The following SHROOM3 variants were observed in gnomAD, a reference collection of about 807,000 sequenced individuals.
SHROOM3 encodes shroom family member 3.
In SHROOM3, 47 loss-of-function variants were observed where a neutral mutation model predicts 138.6. That is an observed-to-expected ratio of 0.34 (90% confidence interval 0.27 to 0.43). SHROOM3 has a LOEUF of 0.43. Ranked by LOEUF, SHROOM3 falls within the 20% of genes least tolerant of loss-of-function variation. SHROOM3 has a pLI of 1.00. For synonymous variants in SHROOM3, 1,062 were observed against 1,063.3 expected (o/e 1.00, Z 0.02); for missense variants, 2,491 against 2,596.5 (o/e 0.96, Z 0.88).
intron 2 of SHROOM3, among the ~76,000 whole-genome samples, chr4:76,652,024 C>T (rs770828306): frequency 2.6e-5 from 4 of 152,110 alleles, no homozygotes; most frequent in Non-Finnish European, 5.9e-5. Flanking sequence ...ACCTAAGGGG[C>T]CCAGGATGCC....
chr4:76,733,353 G>C (rs1030740430), intron 4 of SHROOM3, among the ~76,000 whole-genome samples: 1 of 152,170 alleles, frequency 6.6e-6, no homozygotes, highest in Admixed American at 6.5e-5. Context: ...CCCTTGTGCT[G>C]TATCTACCAC....
intron 1 of SHROOM3, among the ~76,000 whole-genome samples, chr4:76,514,241 G>A (rs1732399401): frequency 6.6e-6 from 1 of 152,128 alleles, no homozygotes; most frequent in Admixed American, 6.5e-5. Context: ...GCCAAAAAGT[G>A]GAGAAACCCA....
At chr4:76,475,151 A>T (rs1731460193) in intron 1 of SHROOM3, among the ~76,000 whole-genome samples, 1 of 152,144 alleles carries the variant, frequency 6.6e-6, no homozygotes, top group Non-Finnish European at 1.5e-5. Context: ...AAATTGAATT[A>T]TATGTCGTTT....
chr4:76,508,151 A>T (rs1732253029), intron 1 of SHROOM3, among the ~76,000 whole-genome samples: 1 of 152,064 alleles, frequency 6.6e-6, no homozygotes, highest in African/African-American at 2.4e-5. Flanking sequence ...GGTCATGAAG[A>T]TTTATGCCAG....
At chr4:76,705,299 G>A (rs572101115) in intron 2 of SHROOM3, among the ~76,000 whole-genome samples, 15 of 145,202 alleles carry the variant, frequency 1.0e-4, no homozygotes, top group African/African-American at 3.2e-4. Context: ...GTGAGACTCC[G>A]TCTCTACAAA....
intron 2 of SHROOM3, among the ~76,000 whole-genome samples, chr4:76,558,285 T>G (rs1367333370): frequency 6.6e-6 from 1 of 152,206 alleles, no homozygotes; most frequent in Non-Finnish European, 1.5e-5. Context: ...TATTTGCAAA[T>G]TGTGTGACTT....
intron 2 of SHROOM3, among the ~76,000 whole-genome samples, chr4:76,703,367 A>C (rs1218870793): frequency 6.6e-6 from 1 of 152,212 alleles, no homozygotes; most frequent in Non-Finnish European, 1.5e-5. Flanking sequence ...TTAAGACTTA[A>C]ATGTGTAAGT....
chr4:76,487,840 A>G (rs1731763819), intron 1 of SHROOM3, among the ~76,000 whole-genome samples: 1 of 152,218 alleles, frequency 6.6e-6, no homozygotes. Flanking sequence ...ATTTCAGACT[A>G]TTCTAGGGCT....
At chr4:76,547,445 G>A (rs1404636806) in intron 1 of SHROOM3, among the ~76,000 whole-genome samples, 1 of 152,150 alleles carries the variant, frequency 6.6e-6, no homozygotes, top group African/African-American at 2.4e-5. Context: ...AACACACGAA[G>A]CCCTCAACAT....
chr4:76,541,608 G>T (rs1733099418), intron 1 of SHROOM3, among the ~76,000 whole-genome samples: 1 of 143,392 alleles, frequency 7.0e-6, no homozygotes, highest in Admixed American at 7.0e-5. Flanking sequence ...AGAAGGCCGG[G>T]ATTCACATAT....
intron 2 of SHROOM3, among the ~76,000 whole-genome samples, chr4:76,607,749 A>G (rs924308505): frequency 6.6e-6 from 1 of 152,110 alleles, no homozygotes; most frequent in Non-Finnish European, 1.5e-5. Context: ...CTTTACATCA[A>G]AATAAGTCAC....
At chr4:76,773,962 C>A (rs1722458083) in intron 10 of SHROOM3, among the ~76,000 whole-genome samples, 1 of 152,160 alleles carries the variant, frequency 6.6e-6, no homozygotes, top group African/African-American at 2.4e-5. Context: ...GTGACTTACT[C>A]AGCCTGGGGA....
intron 2 of SHROOM3, among the ~76,000 whole-genome samples, chr4:76,679,763 C>A (rs1441415190): frequency 6.6e-6 from 1 of 152,166 alleles, no homozygotes; most frequent in Non-Finnish European, 1.5e-5. Context: ...CACATAACCA[C>A]CTCCCCACAC....
intron 2 of SHROOM3, among the ~76,000 whole-genome samples, chr4:76,681,594 G>GGGGGGTGTGTGTGTGTGTGTGTGT (rs1553936165): frequency 1.2e-5 from 1 of 81,022 alleles, no homozygotes; most frequent in African/African-American, 5.7e-5. Flanking sequence ...CAGAGTCTAG[G>GGGGGGTGTGTGTGTGTGTGTGTGT]GTGTGTGTGT....
Position 76,756,526 on chromosome 4 carries a change from C to T in SHROOM3, c.4787C>T (p.Thr1596Ile). The stretch of plus-strand genomic sequence containing the variant: ...GCAGCCCATGTGGTAGGTAGTCAGA[C>T]ACTGGCTTCCAGACTCCAAACTTCT... ...PGAAHVVGSQ[T>I]LASRLQTSIK... is the part of the protein sequence containing the mutation. Residue 1596 changes from threonine to isoleucine, a missense_variant, in exon 8 of 11, where the codon ACA becomes ATA. By Grantham distance (89) the Thr-to-Ile change is moderately conservative. Coordinates refer to ENST00000296043, the MANE Select transcript of SHROOM3 (RefSeq NM_020859.4). The T allele has an allele frequency of 6.2e-7, 1 of 1,613,632 alleles. No homozygotes were observed.
At chr4:76,677,636 G>A (rs1349861195) in intron 2 of SHROOM3, among the ~76,000 whole-genome samples, 1 of 152,174 alleles carries the variant, frequency 6.6e-6, no homozygotes, top group Non-Finnish European at 1.5e-5. Context: ...ATCAAGAAAT[G>A]GCAGCCAAGA....
intron 1 of SHROOM3, among the ~76,000 whole-genome samples, chr4:76,520,261 A>G (rs1204164023): frequency 6.6e-6 from 1 of 152,212 alleles, no homozygotes. Flanking sequence ...GCCTCTTGGC[A>G]GCATTTCAAG....
At chr4:76,705,371 C>T (rs1720022162) in intron 2 of SHROOM3, among the ~76,000 whole-genome samples, 1 of 152,108 alleles carries the variant, frequency 6.6e-6, no homozygotes, top group Non-Finnish European at 1.5e-5. Context: ...GTGGTGCATG[C>T]CTGTGATCCC....
In SHROOM3 at chr4:76,782,923, A is replaced by G. The variant is rs914224762; in HGVS notation, c.*3746A>G. 2 of 152,194 alleles carry G rather than the reference A, an allele frequency of 1.3e-5. No homozygotes were observed. Among genetic ancestry groups the G allele is most frequent in the African/African-American group, 4.8e-5 (2 of 41,442 alleles). 9.4% of individuals were successfully genotyped at this position (152,194 alleles called of 1,614,324 possible). ...TATTAATTTTTAAATAAAACTTCAC[A>G]TTTCTTAATGGGGAGCTCATTCAGA... On this transcript the variant is annotated 3_prime_UTR_variant, in exon 11 of 11. Transcript: ENST00000296043.
Sources: gnomAD v4.1 joint callset for allele counts (sites outside exome capture counted in the v4.1 genomes callset) on GRCh38, gnomAD v4.1.1 for gene constraint, MANE v1.5 for transcripts, NCBI Gene and HGNC (gene_info 2026-07-23, HGNC 2026-07-21) for gene names.